The following SLCO1C1 variants were observed in gnomAD, a reference collection of about 807,000 sequenced individuals.
SLCO1C1 encodes solute carrier organic anion transporter family member 1C1, also known as OAT-RP-5.
Under a neutral mutation model 76.4 loss-of-function variants are expected in SLCO1C1, and 70 were observed. That is an observed-to-expected ratio of 0.92 (90% CI 0.76 to 1.12). The LOEUF is 1.12. Among genes scored for constraint, SLCO1C1 ranks in the 50% most tolerant of loss-of-function variants. The pLI is 0.00. For missense variants in SLCO1C1, 912 were observed against 823.8 expected, an observed-to-expected ratio of 1.11 and a Z score of -1.31; for synonymous variants, 306 against 286.1, an observed-to-expected ratio of 1.07 and a Z score of -0.70.
At chr12:20,721,343 C>T (rs1947659664) in intron 7 of SLCO1C1, among the ~76,000 whole-genome samples, 1 of 152,184 alleles carries the variant, frequency 6.6e-6, no homozygotes, top group South Asian at 2.1e-4. Context: ...TTTCAACCTC[C>T]AACAACCACT....
At chr12:20,738,228 G>A (rs750607682) in intron 11 of SLCO1C1, among the ~76,000 whole-genome samples, 6 of 152,112 alleles carry the variant, frequency 3.9e-5, no homozygotes, top group Non-Finnish European at 7.4e-5. Flanking sequence ...TTAACAGAAA[G>A]CAATTGTGAA....
At chr12:20,752,210 C>G in intron 14 of SLCO1C1, 96 bp from the exon 15 acceptor site, 4 of 790,260 alleles carry the variant, frequency 5.1e-6, no homozygotes, top group Non-Finnish European at 7.6e-6. Context: ...AATCTACATT[C>G]TTAAAGAAAA....
intron 1 of SLCO1C1, 38 bp from the exon 2 acceptor site, chr12:20,699,514 T>C (rs1946419356): frequency 6.2e-6 from 9 of 1,457,536 alleles, no homozygotes; most frequent in Non-Finnish European, 8.2e-6. Flanking sequence ...AATTGCGTAG[T>C]ATTTATTTAT....
chr12:20,735,047 C>A (rs970219371), intron 10 of SLCO1C1, among the ~76,000 whole-genome samples: 6 of 152,204 alleles, frequency 3.9e-5, no homozygotes, highest in African/African-American at 1.4e-4. Flanking sequence ...TACAAATCTA[C>A]TGTCAGCACA....
At chr12:20,734,261 G>A (rs1948439641) in intron 10 of SLCO1C1, among the ~76,000 whole-genome samples, 2 of 152,160 alleles carry the variant, frequency 1.3e-5, no homozygotes, top group African/African-American at 4.8e-5. Flanking sequence ...CAATGTTCAG[G>A]AAGATTGGTG....
intron 3 of SLCO1C1, among the ~76,000 whole-genome samples, chr12:20,702,447 T>A (rs967620674): frequency 6.6e-6 from 1 of 151,984 alleles, no homozygotes; most frequent in African/African-American, 2.4e-5. Flanking sequence ...CAAATTTTAA[T>A]GTCCACACAA....
chr12:20,730,895 C>G (rs1212871564), intron 9 of SLCO1C1, among the ~76,000 whole-genome samples: 1 of 152,114 alleles, frequency 6.6e-6, no homozygotes, highest in African/African-American at 2.4e-5. Flanking sequence ...AACAGTGGGC[C>G]AGGGGGCTGC....
rs1159558535 is a variant in SLCO1C1 at position 20,739,478 on chromosome 12, TGTAATCACCGAA to T, written c.1549-704_1549-693del. Among the ~76,000 whole-genome samples the T allele has an allele frequency of 2.6e-5, 4 of 151,736 alleles. No individual in the cohort carries two copies. In the East Asian group the frequency reaches 7.8e-4, roughly 29 times the overall value. On this transcript the variant is annotated intron_variant, in intron 11 of 14. Transcript: ENST00000266509. ...AGAACTAAAGTATGGACGCCAGCTG[TGTAATCACCGAA>T]GAGAAGAGCTGCCCGGGCAGAGAAA...
At chr12:20,725,915 C>T (rs1193311027) in intron 9 of SLCO1C1, among the ~76,000 whole-genome samples, 1 of 151,946 alleles carries the variant, frequency 6.6e-6, no homozygotes, top group African/African-American at 2.4e-5. Context: ...AAGTTTCTGA[C>T]ATGTCATATC....
chr12:20,710,865 T>C (rs542917309), intron 4 of SLCO1C1, among the ~76,000 whole-genome samples: 10 of 152,206 alleles, frequency 6.6e-5, no homozygotes, highest in Non-Finnish European at 1.3e-4. Flanking sequence ...CTTTTTCACC[T>C]GGGGGGAGGT....
intron 11 of SLCO1C1, among the ~76,000 whole-genome samples, chr12:20,738,742 T>C (rs1004242190): frequency 6.6e-6 from 1 of 152,186 alleles, no homozygotes; most frequent in Non-Finnish European, 1.5e-5. Flanking sequence ...GGTTAAAGAT[T>C]GGTGTTAAAA....
rs1248043142 is a variant in SLCO1C1 at position 20,705,961 on chromosome 12, T to C, written c.284T>C (p.Val95Ala). 17 of 1,613,072 alleles carry C rather than the reference T, an allele frequency of 1.1e-5. No homozygotes were observed. The highest frequency in any genetic ancestry group is 1.4e-5 in the Non-Finnish European group (17 of 1,179,340). The change falls in exon 4 of 15, where the codon GTT becomes GCT. Residue 95 changes from valine (V) to alanine (A), a missense_variant. By Grantham distance (64) the Val-to-Ala change is moderately conservative. Coordinates refer to ENST00000266509, the MANE Select transcript of SLCO1C1 (RefSeq NM_017435.5). Reference sequence around the variant, plus strand: ...CTTTTCCTCAAAGGGAATCTCTTAGTTATAACATTTGTTAGCTACTTTGGA... The same window carrying C: ...CTTTTCCTCAAAGGGAATCTCTTAGCTATAACATTTGTTAGCTACTTTGGA... ...DGSFEIGNLL[V>A]ITFVSYFGAK...
At position 20,720,156 on chromosome 12, in the gene SLCO1C1, C is replaced by T. The variant is rs890705150; in HGVS notation, c.776-1648C>T. ...GCACATCTTTTTGCAGCATGGTTTA[C>T]TAACTATTTGAAGCCCACTGTTAGG... On this transcript the variant is annotated intron_variant, in intron 7 of 14. Coordinates refer to ENST00000266509, the MANE Select transcript of SLCO1C1 (RefSeq NM_017435.5). Among the ~76,000 whole-genome samples, 4 of 152,216 alleles carry T rather than the reference C, an allele frequency of 2.6e-5. No homozygotes were observed. In the East Asian group the frequency reaches 7.7e-4, roughly 29 times the overall value.
At chr12:20,724,042 G>T (rs1018669272) in intron 9 of SLCO1C1, among the ~76,000 whole-genome samples, 1 of 152,000 alleles carries the variant, frequency 6.6e-6, no homozygotes, top group African/African-American at 2.4e-5. Context: ...ATAATCTTGG[G>T]TAATGGGCAT....
At chr12:20,745,798 C>T (rs1397362645) in intron 13 of SLCO1C1, among the ~76,000 whole-genome samples, 1 of 151,430 alleles carries the variant, frequency 6.6e-6, no homozygotes, top group African/African-American at 2.4e-5. Flanking sequence ...GCACTCCAGC[C>T]TGGGTGACAA....
chr12:20,734,560 T>G (rs1295874377), intron 10 of SLCO1C1, among the ~76,000 whole-genome samples: 3 of 152,200 alleles, frequency 2.0e-5, no homozygotes, highest in African/African-American at 7.2e-5. Context: ...TTTATGAGTT[T>G]AGTTTTGTTA....
At chr12:20,717,374 T>C in intron 7 of SLCO1C1, 144 bp downstream of exon 7, 2 of 542,224 alleles carry the variant, frequency 3.7e-6, no homozygotes, top group Non-Finnish European at 6.2e-6. Flanking sequence ...ATTATTAATA[T>C]AGTTATACAG....
intron 5 of SLCO1C1, among the ~76,000 whole-genome samples, chr12:20,712,759 T>C (rs934090484): frequency 6.6e-6 from 1 of 152,104 alleles, no homozygotes. Context: ...CCCGGCTGTT[T>C]GAATGAAGGG....
intron 1 of SLCO1C1, 103 bp from the exon 2 acceptor site, chr12:20,699,449 A>G: frequency 1.0e-6 from 1 of 959,568 alleles, no homozygotes; most frequent in Non-Finnish European, 1.5e-6. Flanking sequence ...AGGTAGATTC[A>G]CTTTAAATTG....
Sources: gnomAD v4.1 joint callset for allele counts (sites outside exome capture counted in the v4.1 genomes callset) on GRCh38, gnomAD v4.1.1 for gene constraint, MANE v1.5 for transcripts, NCBI Gene and HGNC (gene_info 2026-07-23, HGNC 2026-07-21) for gene names.